The following PRSS12 variants were observed in gnomAD, a reference collection of about 807,000 sequenced individuals.
PRSS12 encodes the protein neurotrypsin.
In PRSS12, 85 loss-of-function variants were observed where a neutral mutation model predicts 104.4. The observed-to-expected ratio is 0.81, with a 90% CI of 0.68 to 0.98. PRSS12 has a LOEUF of 0.98. PRSS12 is among the 50% of genes least tolerant of loss of function. The pLI is 0.00. For synonymous variants in PRSS12, 454 were observed against 425.2 expected (o/e 1.07, Z -0.83); for missense variants, 1,141 against 1,139.2 (o/e 1.00, Z -0.02).
At chr4:118,307,015 C>A (rs1027899593) in intron 8 of PRSS12, among the ~76,000 whole-genome samples, 1 of 151,584 alleles carries the variant, frequency 6.6e-6, no homozygotes, top group Non-Finnish European at 1.5e-5. Flanking sequence ...CTTTTAATGG[C>A]TGATTTTGGG....
At position 118,308,558 on chromosome 4, in the gene PRSS12, C is replaced by CATCA; in HGVS notation, c.1505_1508dup (p.Met503IlefsTer7). ...GTCCTTCTTTCTTATTTTCTCCATC[C>CATCA]ATCAGTCTGACAGGAAAACCTAAGT... On this transcript the variant is annotated frameshift_variant, in exon 8 of 13. Coordinates refer to ENST00000296498, the MANE Select transcript of PRSS12 (RefSeq NM_003619.4). LOFTEE classifies it high-confidence loss of function. 6.2e-7 allele frequency: 1 copy of CATCA among 1,611,602 alleles called. No individual in the cohort carries two copies. The highest frequency in any genetic ancestry group is 1.7e-4 in the Middle Eastern group (1 of 6,046).
intron 11 of PRSS12, among the ~76,000 whole-genome samples, chr4:118,289,307 G>C (rs970128870): frequency 6.6e-6 from 1 of 152,154 alleles, no homozygotes; most frequent in African/African-American, 2.4e-5. Context: ...GGCTGGTCAA[G>C]AACATTGGCC....
rs1172852454 is a variant in PRSS12 at position 118,297,525 on chromosome 4, T to C, written c.1837+1208A>G. Among the ~76,000 whole-genome samples, 5 of 151,200 alleles carry C rather than the reference T, an allele frequency of 3.3e-5. No individual in the cohort carries two copies. The East Asian group carries it at 9.7e-4, about 29-fold the overall frequency. On this transcript the variant is annotated intron_variant, in intron 9 of 12. Coordinates refer to ENST00000296498, the MANE Select transcript of PRSS12 (RefSeq NM_003619.4). Reference sequence around the variant, plus strand: ...ACACACATTCATATATAAAAATATGTATATATATTTAATATATATGAATAG... The same window carrying C: ...ACACACATTCATATATAAAAATATGCATATATATTTAATATATATGAATAG...
At position 118,352,374 on chromosome 4, in the gene PRSS12, G is replaced by A; in HGVS notation, c.347C>T (p.Pro116Leu). Residue 116 changes from proline (P) to leucine (L), a missense_variant, in exon 1 of 13, where the codon CCA becomes CTA. Physicochemically the swap from Pro to Leu is moderately conservative, Grantham distance 98. Coordinates refer to ENST00000296498, the MANE Select transcript of PRSS12 (RefSeq NM_003619.4). Reference protein sequence around the residue: ...GAPCLRWAEVPPFLERSPPAS... With the variant: ...GAPCLRWAEVLPFLERSPPAS... ...TGGGGGCGACCGCTCCAGGAAGGGT[G>A]GCACCTCCGCCCACCGCAGACACGG... 1 of 1,557,150 alleles carries A rather than the reference G, an allele frequency of 6.4e-7. No individual in the cohort carries two copies.
In PRSS12 at chr4:118,281,981, T is replaced by C; in HGVS notation, c.2583A>G (p.Lys861=). 1 of 1,524,642 alleles carries C rather than the reference T, an allele frequency of 6.6e-7. No homozygotes were observed. The allele number at this position is 1,524,642 out of a possible 1,614,324, so 94.4% of individuals were successfully genotyped here. The change falls in exon 13 of 13, where the codon AAA becomes AAG. Residue 861 remains lysine, a synonymous_variant. Coordinates refer to ENST00000296498, the MANE Select transcript of PRSS12 (RefSeq NM_003619.4). ...GVKDSPGVYT[K]VSAFVPWIKS... ...TTATCCAAGGTACAAAGGCTGAGAC[T>C]TTGGTATAAACACCAGGAGAATCCT...
At position 118,281,453 on chromosome 4, in the gene PRSS12, A is replaced by G. The variant is rs1742849466; in HGVS notation, c.*483T>C. 1.2e-5 allele frequency: 2 copies of G among 173,604 alleles called. No individual in the cohort carries two copies. The highest frequency in any genetic ancestry group is 4.8e-5 in the African/African-American group (2 of 41,832). The allele number at this position is 173,604 out of a possible 1,614,324, so 10.8% of individuals were successfully genotyped here. A position where few individuals can be genotyped will look rare whatever the true frequency, so the allele number is the denominator to read the frequency against. Reference sequence around the variant, plus strand: ...CTTTAACCACTGATTTCCTCACTTGACAAAGGCTACAGAGAATATGAAGAT... The same window carrying G: ...CTTTAACCACTGATTTCCTCACTTGGCAAAGGCTACAGAGAATATGAAGAT... On this transcript the variant is annotated 3_prime_UTR_variant, in exon 13 of 13. Transcript: ENST00000296498.
At chr4:118,325,058 T>A (rs1723735222) in intron 4 of PRSS12, among the ~76,000 whole-genome samples, 1 of 152,116 alleles carries the variant, frequency 6.6e-6, no homozygotes, top group South Asian at 2.1e-4. Context: ...CATGCCAATA[T>A]CTCTTTATCT....
intron 4 of PRSS12, among the ~76,000 whole-genome samples, chr4:118,329,053 A>C (rs1723854321): frequency 6.6e-6 from 1 of 152,110 alleles, no homozygotes; most frequent in Admixed American, 6.5e-5. Flanking sequence ...CGGCCTCCCA[A>C]AGTGCTGGGA....
chr4:118,335,023 T>C (rs1724025215), intron 3 of PRSS12, among the ~76,000 whole-genome samples: 1 of 152,152 alleles, frequency 6.6e-6, no homozygotes, highest in South Asian at 2.1e-4. Flanking sequence ...TTAGGGAAGG[T>C]GCTCTCTACA....
Position 118,352,514 on chromosome 4 carries a change from C to T in PRSS12, c.207G>A (p.Pro69=). 6.9e-7 allele frequency: 1 copy of T among 1,451,902 alleles called. No individual in the cohort carries two copies. Among genetic ancestry groups the T allele is most frequent in the Non-Finnish European group, 9.1e-7 (1 of 1,099,042 alleles). The allele number at this position is 1,451,902 out of a possible 1,614,324, so 89.9% of individuals were successfully genotyped here. A position where few individuals can be genotyped will look rare whatever the true frequency, so the allele number is the denominator to read the frequency against. The change falls in exon 1 of 13, where the codon CCG becomes CCA. Residue 69 remains proline (P), a synonymous_variant. Coordinates refer to ENST00000296498, the MANE Select transcript of PRSS12 (RefSeq NM_003619.4). The part of the protein sequence containing the change: ...PPPLPRFPRP[P]RALPAQRPHA... Reference sequence around the variant, plus strand: ...GCGGGCGCTGGGCAGGGAGCGCCCGCGGGGGGCGCGGGAAGCGCGGGAGAG... The same window carrying T: ...GCGGGCGCTGGGCAGGGAGCGCCCGTGGGGGGCGCGGGAAGCGCGGGAGAG...
chr4:118,314,120 T>C (rs1743835143), intron 6 of PRSS12, among the ~76,000 whole-genome samples: 1 of 152,162 alleles, frequency 6.6e-6, no homozygotes, highest in Non-Finnish European at 1.5e-5. Flanking sequence ...CTCCCAATTT[T>C]ATTTCCTTTT....
At chr4:118,289,038 A>G (rs1212635764) in intron 11 of PRSS12, among the ~76,000 whole-genome samples, 3 of 152,224 alleles carry the variant, frequency 2.0e-5, no homozygotes, top group Non-Finnish European at 4.4e-5. Flanking sequence ...CTTCACATAA[A>G]GCACCCTTAA....
At chr4:118,350,352 C>T (rs960125039) in intron 1 of PRSS12, among the ~76,000 whole-genome samples, 1 of 152,128 alleles carries the variant, frequency 6.6e-6, no homozygotes, top group African/African-American at 2.4e-5. Context: ...AAATGTAGGA[C>T]CAAGAGAGCC....
chr4:118,322,020 T>C (rs1723640164), intron 4 of PRSS12, among the ~76,000 whole-genome samples: 1 of 152,188 alleles, frequency 6.6e-6, no homozygotes, highest in Non-Finnish European at 1.5e-5. Context: ...ATATATCTAA[T>C]GAGAGGCAAA....
intron 1 of PRSS12, among the ~76,000 whole-genome samples, chr4:118,348,807 A>C (rs1352276354): frequency 6.6e-6 from 1 of 151,990 alleles, no homozygotes; most frequent in Non-Finnish European, 1.5e-5. Context: ...ATGTGCCACC[A>C]TGCCTGGCTA....
At chr4:118,326,929 A>G (rs894573898) in intron 4 of PRSS12, among the ~76,000 whole-genome samples, 4 of 152,166 alleles carry the variant, frequency 2.6e-5, no homozygotes, top group African/African-American at 9.6e-5. Context: ...GAAGAAGAAG[A>G]CTTATCTTGG....
rs1742811990 is a variant in PRSS12 at position 118,280,381 on chromosome 4, T to G, written c.*1555A>C. 6.6e-6 allele frequency: 1 copy of G among 151,808 alleles called. No individual in the cohort carries two copies. Among genetic ancestry groups the G allele is most frequent in the East Asian group, 1.9e-4 (1 of 5,198 alleles). 9.4% of individuals were successfully genotyped at this position (151,808 alleles called of 1,614,324 possible). A position where few individuals can be genotyped will look rare whatever the true frequency, so the allele number is the denominator to read the frequency against. On this transcript the variant is annotated 3_prime_UTR_variant, in exon 13 of 13. Coordinates refer to ENST00000296498, the MANE Select transcript of PRSS12 (RefSeq NM_003619.4). Reference sequence around the variant, plus strand: ...ATATAAACGCTACTTTAAAAGTTTATCAAAATCATGAGTTTTTACAAAAGT... The same window carrying G: ...ATATAAACGCTACTTTAAAAGTTTAGCAAAATCATGAGTTTTTACAAAAGT...
At chr4:118,303,810 T>C (rs1743462148) in intron 8 of PRSS12, 1 of 152,030 alleles carries the variant, frequency 6.6e-6, no homozygotes. Context: ...CTTCTCTCAC[T>C]TCACAAAAAG....
chr4:118,315,293 A>C (rs1560775130), intron 6 of PRSS12, among the ~76,000 whole-genome samples: 1 of 152,154 alleles, frequency 6.6e-6, no homozygotes, highest in Non-Finnish European at 1.5e-5. Flanking sequence ...AATTATAATG[A>C]TAGCATAAGG....
Sources: allele counts gnomAD v4.1 joint callset (sites outside exome capture counted in the v4.1 genomes callset), GRCh38; gene constraint gnomAD v4.1.1; transcripts MANE v1.5; gene names NCBI Gene and HGNC (gene_info 2026-07-23, HGNC 2026-07-21).